The following ZNF385D variants were observed in gnomAD, a reference collection of about 807,000 sequenced individuals.
ZNF385D encodes zinc finger protein 385D.
ZNF385D carries 15 observed loss-of-function variants against 35.8 expected under a neutral mutation model. The observed-to-expected ratio is 0.42, with a 90% CI of 0.28 to 0.64. The LOEUF (loss-of-function observed/expected upper bound fraction) is 0.64. Among genes scored for constraint, ZNF385D ranks in the 30% least tolerant of loss-of-function variants. The pLI, the probability that ZNF385D is intolerant of heterozygous loss-of-function variation, is 0.23. For missense variants in ZNF385D, 474 were observed against 494.6 expected, an observed-to-expected ratio of 0.96 and a Z score of 0.39; for synonymous variants, 212 against 186.8, an observed-to-expected ratio of 1.13 and a Z score of -1.10.
chr3:22,268,152 G>A (rs558134960), intron 2 of ZNF385D, among the ~76,000 whole-genome samples: 14 of 151,898 alleles, frequency 9.2e-5, no homozygotes, highest in African/African-American at 3.1e-4. Flanking sequence ...TTTAAAAAAT[G>A]GTAACTGTTG....
chr3:21,912,712 T>G (rs1700020968), intron 3 of ZNF385D, among the ~76,000 whole-genome samples: 1 of 152,056 alleles, frequency 6.6e-6, no homozygotes, highest in Non-Finnish European at 1.5e-5. Flanking sequence ...AGAGCAAAAT[T>G]CAATTAATGA....
chr3:21,859,996 T>TA (rs1696960695), intron 3 of ZNF385D, among the ~76,000 whole-genome samples: 1 of 151,894 alleles, frequency 6.6e-6, no homozygotes, highest in Non-Finnish European at 1.5e-5. Flanking sequence ...TATCAGAAAT[T>TA]AAAAAAGAAA....
At chr3:21,569,809 C>CA (rs1258931137) in intron 2 of ZNF385D, among the ~76,000 whole-genome samples, 1 of 145,514 alleles carries the variant, frequency 6.9e-6, no homozygotes, top group African/African-American at 2.5e-5. Context: ...ATCGCAAGGA[C>CA]AAAAAACCAA....
At chr3:22,156,972 T>C (rs1197506537) in intron 3 of ZNF385D, among the ~76,000 whole-genome samples, 1 of 152,142 alleles carries the variant, frequency 6.6e-6, no homozygotes, top group Non-Finnish European at 1.5e-5. Flanking sequence ...TTCGCCTATT[T>C]TAACCTCTCT....
chr3:21,549,565 G>C (rs1042926444), intron 3 of ZNF385D, among the ~76,000 whole-genome samples: 7 of 152,256 alleles, frequency 4.6e-5, no homozygotes, highest in Admixed American at 4.6e-4. Flanking sequence ...CAAACATAGT[G>C]ACAACCTATA....
intron 3 of ZNF385D, among the ~76,000 whole-genome samples, chr3:22,024,602 T>A (rs114919334): frequency 0.011 from 1,709 of 152,242 alleles, 33 homozygotes; most frequent in African/African-American, 0.039. Context: ...TTCTTCATAA[T>A]AGTATCATTA....
intron 3 of ZNF385D, among the ~76,000 whole-genome samples, chr3:21,901,338 T>G (rs888216326): frequency 6.6e-6 from 1 of 152,154 alleles, no homozygotes; most frequent in East Asian, 1.9e-4. Flanking sequence ...TTCATCATCA[T>G]ATTTACCAAT....
In ZNF385D at chr3:22,355,745, T is replaced by C. The variant is rs376400956; in HGVS notation, c.106+16705A>G. Among the ~76,000 whole-genome samples the C allele has an allele frequency of 1.8e-4, 27 of 151,974 alleles. 2 individuals carry two copies. The highest frequency in any genetic ancestry group is 1.2e-3 in the Admixed American group (18 of 15,222). On this transcript the variant is annotated intron_variant, in intron 2 of 5. Transcript: ENST00000494108. ...ATATATTATGGAATTAAATCATCTA[T>C]AGAGTATAAGAAAGGAACATTCATT...
intron 2 of ZNF385D, among the ~76,000 whole-genome samples, chr3:21,583,743 T>C (rs1434253625): frequency 6.6e-6 from 1 of 151,274 alleles, no homozygotes; most frequent in East Asian, 1.9e-4. Flanking sequence ...GTTATTTTTA[T>C]TCATTCAATA....
intron 2 of ZNF385D, among the ~76,000 whole-genome samples, chr3:21,627,259 G>A (rs979035364): frequency 1.4e-5 from 2 of 144,904 alleles, no homozygotes; most frequent in East Asian, 2.0e-4. Context: ...GTGTGTGTGT[G>A]TGTGTGTGTG....
chr3:21,988,712 T>A (rs10470649), intron 3 of ZNF385D, among the ~76,000 whole-genome samples: 300 of 151,050 alleles, frequency 2.0e-3, no homozygotes, highest in African/African-American at 6.7e-3. Context: ...TGGAGCTTCC[T>A]GGCTGCTTTG....
At chr3:21,864,753 C>A (rs1377042200) in intron 3 of ZNF385D, among the ~76,000 whole-genome samples, 1 of 152,010 alleles carries the variant, frequency 6.6e-6, no homozygotes, top group Admixed American at 6.6e-5. Flanking sequence ...TTATCTGTCA[C>A]CTTGTTTAAT....
At chr3:21,752,203 T>C (rs1315188782), upstream of ZNF385D, among the ~76,000 whole-genome samples, 1 of 152,088 alleles carries the variant, frequency 6.6e-6, no homozygotes, top group Non-Finnish European at 1.5e-5. Flanking sequence ...ATGCACAGCA[T>C]GGAAAAAATA....
intron 1 of ZNF385D, among the ~76,000 whole-genome samples, chr3:21,666,052 G>A (rs994585424): frequency 3.9e-5 from 6 of 152,150 alleles, no homozygotes; most frequent in African/African-American, 1.4e-4. Context: ...AAGAATTCTA[G>A]GAGACATGCT....
At chr3:21,854,234 G>A (rs923302640) in intron 3 of ZNF385D, among the ~76,000 whole-genome samples, 4 of 151,662 alleles carry the variant, frequency 2.6e-5, no homozygotes, top group Admixed American at 6.6e-5. Context: ...CTTTTGAACC[G>A]GTTATCATTT....
chr3:21,694,025 C>T (rs1288661243), intron 1 of ZNF385D, among the ~76,000 whole-genome samples: 9 of 75,644 alleles, frequency 1.2e-4, no homozygotes, highest in Admixed American at 4.1e-4. Flanking sequence ...ACTACAGGCG[C>T]GTGCCACTAC....
chr3:22,340,570 T>C (rs1695377901), intron 2 of ZNF385D, among the ~76,000 whole-genome samples: 1 of 152,132 alleles, frequency 6.6e-6, no homozygotes, highest in Admixed American at 6.5e-5. Context: ...CGCTTGAACC[T>C]GGGACGTGGA....
rs145821882 is a variant in ZNF385D, at chr3:21,869,265, A to G, written c.326-204237T>C. On this transcript the variant is annotated intron_variant, in intron 3 of 5. Transcript: ENST00000494108. ...GGGCAGAGATACAATGTCAAATAGC[A>G]TAACATTGGGATGGGACCGAAAATC... is the stretch of plus-strand genomic sequence containing the variant. 4.2e-3 allele frequency among the ~76,000 whole-genome samples: 637 copies of G among 152,274 alleles called. 7 individuals carry two copies. Among genetic ancestry groups the G allele is most frequent in the African/African-American group, 0.014 (598 of 41,578 alleles).
At chr3:21,466,478 T>A (rs2125327804) in intron 4 of ZNF385D, among the ~76,000 whole-genome samples, 1 of 152,308 alleles carries the variant, frequency 6.6e-6, no homozygotes, top group East Asian at 1.9e-4. Context: ...TATGAAGCCT[T>A]CAAGGATACC....
Sources: allele counts gnomAD v4.1 joint callset (sites outside exome capture counted in the v4.1 genomes callset), GRCh38; gene constraint gnomAD v4.1.1; transcripts MANE v1.5; gene names NCBI Gene and HGNC (gene_info 2026-07-23, HGNC 2026-07-21).